The following PAX5 variants were observed in gnomAD, a reference collection of about 807,000 sequenced individuals.
The protein encoded by PAX5 is paired box 5.
PAX5 carries 9 observed loss-of-function variants against 43.7 expected under a neutral mutation model. The observed-to-expected ratio is 0.21, with a 90% CI of 0.12 to 0.36. The LOEUF (loss-of-function observed/expected upper bound fraction) is 0.36. PAX5 is among the 10% of genes least tolerant of loss of function. The pLI is 1.00. For synonymous variants in PAX5, 228 were observed against 214.3 expected, an observed-to-expected ratio of 1.06 and a Z score of -0.56; for missense variants, 383 against 532.7, an observed-to-expected ratio of 0.72 and a Z score of 2.77.
chr9:36,900,802 C>T (rs1234148985), intron 7 of PAX5, among the ~76,000 whole-genome samples: 3 of 152,196 alleles, frequency 2.0e-5, no homozygotes, highest in Non-Finnish European at 4.4e-5. Flanking sequence ...CCCGCCCCCA[C>T]TGCCTCTGCA....
At chr9:36,949,349 C>T (rs746214288) in intron 6 of PAX5, among the ~76,000 whole-genome samples, 1 of 152,176 alleles carries the variant, frequency 6.6e-6, no homozygotes. Flanking sequence ...CGTGAGCCAC[C>T]GTGCCCGGCC....
intron 1 of PAX5, among the ~76,000 whole-genome samples, chr9:37,024,701 C>T (rs979913404): frequency 6.6e-6 from 1 of 152,154 alleles, no homozygotes; most frequent in Non-Finnish European, 1.5e-5. Context: ...ACGGAGGGGG[C>T]GATTGAAGGC....
chr9:36,857,840 T>C (rs1823822335), intron 8 of PAX5, among the ~76,000 whole-genome samples: 1 of 152,254 alleles, frequency 6.6e-6, no homozygotes, highest in African/African-American at 2.4e-5. Context: ...GCTGAGAATG[T>C]AGGATACTGG....
chr9:36,852,671 G>A (rs1823273382), intron 8 of PAX5, among the ~76,000 whole-genome samples: 1 of 152,200 alleles, frequency 6.6e-6, no homozygotes, highest in Admixed American at 6.5e-5. Flanking sequence ...GTCCCTCCCG[G>A]CATTCTGCCT....
At position 36,835,562 on chromosome 9, in the gene PAX5, G is replaced by T; in HGVS notation, c.*4998C>A. On this transcript the variant is annotated 3_prime_UTR_variant, in exon 10 of 10. Transcript: ENST00000358127. ...TGAGGTTTGGGGCAACAGGGGCAAG[G>T]GGCTGAAGGGGCTGCTGGGAGGTGG... The T allele has an allele frequency of 4.3e-6, 1 of 233,426 alleles. No homozygotes were observed. The highest frequency in any genetic ancestry group is 8.5e-6 in the Non-Finnish European group (1 of 118,094). The allele number at this position is 233,426 out of a possible 1,614,324, so 14.5% of individuals were successfully genotyped here. A position where few individuals can be genotyped will look rare whatever the true frequency, so the allele number is the denominator to read the frequency against.
At position 36,997,019 on chromosome 9, in the gene PAX5, A is replaced by C. The variant is rs186865515; in HGVS notation, c.604+5629T>G. Reference sequence around the variant, plus strand: ...TAAACAGGAAATAAAGCCAAATAACACAGAATGAGATGCACCCCCAAAGAC... The same window carrying C: ...TAAACAGGAAATAAAGCCAAATAACCCAGAATGAGATGCACCCCCAAAGAC... On this transcript the variant is annotated intron_variant, in intron 5 of 9. Transcript: ENST00000358127. Among the ~76,000 whole-genome samples the C allele has an allele frequency of 3.3e-5, 5 of 152,296 alleles. No individual in the cohort carries two copies. The East Asian group carries it at 9.6e-4, about 29-fold the overall frequency.
In PAX5 at chr9:36,923,364, TG is replaced by T; in HGVS notation, c.900del (p.Ile301LeufsTer2). The T allele has an allele frequency of 6.2e-7, 1 of 1,611,154 alleles. No individual in the cohort carries two copies. On this transcript the variant is annotated frameshift_variant, in exon 7 of 10. Coordinates refer to ENST00000358127, the MANE Select transcript of PAX5 (RefSeq NM_016734.3). LOFTEE classifies it high-confidence loss of function. ...GSSVPGPQSY[P>X]IVTGRDLAST... ...CCCCAGGTGCCCTCACCTGTCACAATGGGGTAGGACTGCGGGCCTGGCACAC... is the reference window on the plus strand; with the variant it reads ...CCCCAGGTGCCCTCACCTGTCACAATGGGTAGGACTGCGGGCCTGGCACAC...
intron 8 of PAX5, among the ~76,000 whole-genome samples, chr9:36,877,792 C>T (rs187738053): frequency 2.0e-5 from 3 of 152,134 alleles, no homozygotes; most frequent in African/African-American, 7.2e-5. Context: ...TTATATGTAA[C>T]CTGTGAATGT....
At chr9:36,973,148 A>C (rs914237222) in intron 5 of PAX5, among the ~76,000 whole-genome samples, 1,487 of 121,716 alleles carry the variant, frequency 0.012, 11 homozygotes, top group Non-Finnish European at 0.016. Context: ...AGGAAAGGAA[A>C]GGAAAGGAAA....
rs1312704126 is a variant in PAX5 at position 36,880,260 on chromosome 9, G to A, written c.1012+1744C>T. ...CATCACCACGTGGGGCCTTGCACAC[G>A]CATGTGTGGACACCCAGCCCGCACA... is the stretch of plus-strand genomic sequence containing the variant. On this transcript the variant is annotated intron_variant, in intron 8 of 9. Transcript: ENST00000358127. Among the ~76,000 whole-genome samples the A allele has an allele frequency of 4.6e-5, 7 of 152,230 alleles. No homozygotes were observed. The South Asian group carries it at 6.2e-4, about 14-fold the overall frequency.
At chr9:36,951,566 T>C (rs1833012266) in intron 6 of PAX5, among the ~76,000 whole-genome samples, 1 of 152,246 alleles carries the variant, frequency 6.6e-6, no homozygotes, top group South Asian at 2.1e-4. Flanking sequence ...TTGCCATATT[T>C]TCCTCTCTCA....
intron 5 of PAX5, among the ~76,000 whole-genome samples, chr9:36,986,710 C>A (rs1452286961): frequency 6.6e-6 from 1 of 152,146 alleles, no homozygotes; most frequent in Non-Finnish European, 1.5e-5. Context: ...GCGCCCGGAC[C>A]GCGGGGCCGA....
At chr9:36,957,111 G>T (rs926693177) in intron 6 of PAX5, among the ~76,000 whole-genome samples, 1 of 152,194 alleles carries the variant, frequency 6.6e-6, no homozygotes, top group Non-Finnish European at 1.5e-5. Context: ...AGCTGTGCTC[G>T]CTGGTGGGCG....
At chr9:36,862,119 G>A (rs758814341) in intron 8 of PAX5, among the ~76,000 whole-genome samples, 1 of 152,152 alleles carries the variant, frequency 6.6e-6, no homozygotes, top group Non-Finnish European at 1.5e-5. Context: ...CTGAATTCTA[G>A]TCCTGGCTCT....
At chr9:37,006,584 G>T in intron 3 of PAX5, 47 bp from the exon 4 acceptor site, 1 of 1,467,712 alleles carries the variant, frequency 6.8e-7, no homozygotes, top group Non-Finnish European at 9.6e-7. Context: ...TCAGGAAGGA[G>T]AAGAGACCTC....
intron 9 of PAX5, among the ~76,000 whole-genome samples, chr9:36,841,404 C>T (rs1022041245): frequency 6.6e-6 from 1 of 152,248 alleles, no homozygotes. Context: ...GAACTCTTGG[C>T]CTGCACCCTC....
chr9:36,928,576 G>A (rs1030910691), intron 6 of PAX5, among the ~76,000 whole-genome samples: 4 of 152,124 alleles, frequency 2.6e-5, no homozygotes, highest in Admixed American at 2.6e-4. Context: ...AATGAATAAT[G>A]GTTCAGTAGC....
chr9:36,951,929 A>G (rs76902178), intron 6 of PAX5, among the ~76,000 whole-genome samples: 14 of 152,182 alleles, frequency 9.2e-5, no homozygotes, highest in Admixed American at 2.6e-4. Context: ...GTTTATCAAT[A>G]TATCTATCTT....
intron 1 of PAX5, among the ~76,000 whole-genome samples, chr9:37,022,891 C>T (rs1221880954): frequency 6.6e-6 from 1 of 152,138 alleles, no homozygotes; most frequent in Non-Finnish European, 1.5e-5. Flanking sequence ...CCTCAACTTC[C>T]TTGAAAGGTC....
Sources: allele counts gnomAD v4.1 joint callset (sites outside exome capture counted in the v4.1 genomes callset), GRCh38; gene constraint gnomAD v4.1.1; transcripts MANE v1.5; gene names NCBI Gene and HGNC (gene_info 2026-07-23, HGNC 2026-07-21).